Variants in NSD3 observed in about 807,000 individuals in gnomAD.
The protein encoded by NSD3 is nuclear receptor binding SET domain protein 3.
A neutral mutation model predicts 160.8 loss-of-function variants in NSD3; 24 were observed. That is an observed-to-expected ratio of 0.15 (90% CI 0.11 to 0.21). NSD3 has a LOEUF of 0.21. Ranked by LOEUF, NSD3 falls within the 10% of genes least tolerant of loss-of-function variation. The pLI is 1.00. For synonymous variants in NSD3, 520 were observed against 600.0 expected (o/e 0.87, Z 1.95); for missense variants, 1,157 against 1,735.9 (o/e 0.67, Z 5.93).
At chr8:38,347,269 G>C (rs891992354) in intron 2 of NSD3, among the ~76,000 whole-genome samples, 8 of 152,162 alleles carry the variant, frequency 5.3e-5, no homozygotes, top group Non-Finnish European at 7.4e-5. Flanking sequence ...AGAAACATAA[G>C]CAGAAAGATT....
At position 38,341,421 on chromosome 8, in the gene NSD3, C is replaced by G. The variant is rs557318870; in HGVS notation, c.676-2814G>C. 3.3e-3 allele frequency among the ~76,000 whole-genome samples: 509 copies of G among 152,018 alleles called. 2 individuals are homozygous for G. The highest frequency in any genetic ancestry group is 4.7e-3 in the Non-Finnish European group (320 of 67,982). ...GGCACTGTGGTGGGTGCCTATAATCCCAGCTACTTGGGAGGCTAAGGCAGA... is the reference window on the plus strand; with the variant it reads ...GGCACTGTGGTGGGTGCCTATAATCGCAGCTACTTGGGAGGCTAAGGCAGA... On this transcript the variant is annotated intron_variant, in intron 2 of 23. Transcript: ENST00000317025.
intron 4 of NSD3, 77 bp from the exon 5 acceptor site, chr8:38,331,662 C>G (rs1235488721): frequency 6.7e-7 from 1 of 1,492,712 alleles, no homozygotes; most frequent in African/African-American, 1.4e-5. Flanking sequence ...GGAATCTAAC[C>G]CAGGTTCCTC....
At chr8:38,280,935 T>C (rs552937987) in intron 20 of NSD3, among the ~76,000 whole-genome samples, 1 of 152,120 alleles carries the variant, frequency 6.6e-6, no homozygotes, top group East Asian at 1.9e-4. Context: ...TTTTTATTTT[T>C]TGTAGAGACA....
At chr8:38,277,991 T>C (rs180985872) in intron 22 of NSD3, among the ~76,000 whole-genome samples, 7 of 149,648 alleles carry the variant, frequency 4.7e-5, no homozygotes, top group African/African-American at 1.7e-4. Context: ...CAGGCTGGAG[T>C]GCAGTGGTGC....
At chr8:38,337,571 T>C in intron 3 of NSD3, 104 bp from the exon 4 acceptor site, 3 of 1,075,072 alleles carry the variant, frequency 2.8e-6, no homozygotes, top group Non-Finnish European at 3.6e-6. Flanking sequence ...CAGTTATACT[T>C]TGATACAGGA....
At chr8:38,358,572 CATA>C (rs1810881696) in intron 1 of NSD3, among the ~76,000 whole-genome samples, 1 of 151,916 alleles carries the variant, frequency 6.6e-6, no homozygotes, top group African/African-American at 2.4e-5. Context: ...TTTTAAGATA[CATA>C]ATGTTAAAAA....
intron 1 of NSD3, among the ~76,000 whole-genome samples, chr8:38,354,428 C>T (rs943024748): frequency 6.6e-6 from 1 of 152,076 alleles, no homozygotes; most frequent in East Asian, 1.9e-4. Context: ...ATTGTGGAGA[C>T]AACTAAAGAA....
rs1464725472 is a variant in NSD3 at position 38,317,524 on chromosome 8, C to T, written c.1855+1371G>A. On this transcript the variant is annotated intron_variant, in intron 9 of 23. Transcript: ENST00000317025. The surrounding 1 kb of genome is among the most constrained non-coding windows in gnomAD (Gnocchi z 5.3). ...TAGAAAAATGACAGACTGCCAAAGA[C>T]AGCTGTCATGCTGTTCTCCATGATA... 4 of 1,060,458 alleles carry T rather than the reference C, an allele frequency of 3.8e-6. No individual in the cohort carries two copies. Among genetic ancestry groups the T allele is most frequent in the Non-Finnish European group, 4.6e-6 (4 of 876,290 alleles). 65.7% of individuals were successfully genotyped at this position (1,060,458 alleles called of 1,614,324 possible).
In NSD3 at chr8:38,316,090, G is replaced by A. The variant is rs771592008; in HGVS notation, c.1856-48C>T. On this transcript the variant is annotated intron_variant, in intron 9 of 23. Transcript: ENST00000317025. This position sits in a 1 kb window ranked among gnomAD's most constrained non-coding sequence, Gnocchi z 4.5. ...AATCCTAAAATAGTACTTAAGGTTTGTTTTAATTTTTTTGTGTGTGGGAGA... is the reference window on the plus strand; with the variant it reads ...AATCCTAAAATAGTACTTAAGGTTTATTTTAATTTTTTTGTGTGTGGGAGA... 2 of 1,591,810 alleles carry A rather than the reference G, an allele frequency of 1.3e-6. No individual in the cohort carries two copies. Among genetic ancestry groups the A allele is most frequent in the Non-Finnish European group, 1.7e-6 (2 of 1,169,968 alleles).
rs186937451 is a variant in NSD3 at position 38,327,813 on chromosome 8, G to A, written c.1582-957C>T. ...CAAAATGTGACCCAATAAGTAATCC[G>A]AAGCAGAAAGAAGGCAGGTATAATT... is the stretch of plus-strand genomic sequence containing the variant. On this transcript the variant is annotated intron_variant, in intron 6 of 23. Coordinates refer to ENST00000317025, the MANE Select transcript of NSD3 (RefSeq NM_023034.2). Among the ~76,000 whole-genome samples, 4 of 152,260 alleles carry A rather than the reference G, an allele frequency of 2.6e-5. No homozygotes were observed. The East Asian group carries it at 5.8e-4, about 22-fold the overall frequency.
intron 19 of NSD3, among the ~76,000 whole-genome samples, chr8:38,283,830 G>A (rs1808790315): frequency 1.3e-5 from 2 of 152,208 alleles, no homozygotes; most frequent in African/African-American, 2.4e-5. Flanking sequence ...CAGGCCAGGT[G>A]TGGTGGCTCA....
chr8:38,361,579 C>T (rs1006673686), intron 1 of NSD3, among the ~76,000 whole-genome samples: 4 of 151,036 alleles, frequency 2.6e-5, no homozygotes, highest in African/African-American at 9.7e-5. Context: ...CACGGTGAAA[C>T]CCCGTCTCTA....
intron 2 of NSD3, among the ~76,000 whole-genome samples, chr8:38,346,897 A>ATT (rs60903460): frequency 0.22 from 33,832 of 152,050 alleles, 3,981 homozygotes; most frequent in East Asian, 0.31. Context: ...AGCTAGAATT[A>ATT]TGTTACATAC....
In NSD3 at chr8:38,271,501, T is replaced by C. The variant is rs535804608; in HGVS notation, c.*4140A>G. The C allele has an allele frequency of 6.6e-6, 1 of 152,230 alleles. No homozygotes were observed. The highest frequency in any genetic ancestry group is 2.1e-4 in the South Asian group (1 of 4,818). The allele number at this position is 152,230 out of a possible 1,614,324, so 9.4% of individuals were successfully genotyped here. A position where few individuals can be genotyped will look rare whatever the true frequency, so the allele number is the denominator to read the frequency against. ...TTTCAGTATATACACATTTCCAACT[T>C]TTCAGTATTTGTTAATTCATTGCAA... On this transcript the variant is annotated 3_prime_UTR_variant, in exon 24 of 24. Transcript: ENST00000317025.
At chr8:38,354,355 C>T (rs1810771851) in intron 1 of NSD3, among the ~76,000 whole-genome samples, 1 of 152,160 alleles carries the variant, frequency 6.6e-6, no homozygotes, top group South Asian at 2.1e-4. Flanking sequence ...CAACCTAATA[C>T]AATGCATGAA....
intron 2 of NSD3, among the ~76,000 whole-genome samples, chr8:38,342,238 T>C (rs1025053142): frequency 6.6e-6 from 1 of 152,158 alleles, no homozygotes; most frequent in African/African-American, 2.4e-5. Context: ...GGAGTATCTA[T>C]TATAAAATGT....
chr8:38,294,707 G>C lies in NSD3; in HGVS notation c.2915+1089C>G, dbSNP rs941992260. On this transcript the variant is annotated intron_variant, in intron 16 of 23. Transcript: ENST00000317025. The stretch of plus-strand genomic sequence containing the variant: ...AAAATATCATCTCTGGCCAAGTGTG[G>C]TGGCTCATTCCTATAATTCTAGCAC... Among the ~76,000 whole-genome samples, 3 of 152,206 alleles carry C rather than the reference G, an allele frequency of 2.0e-5. No individual in the cohort carries two copies. In the South Asian group the frequency reaches 6.2e-4, roughly 32 times the overall value.
intron 18 of NSD3, among the ~76,000 whole-genome samples, chr8:38,289,153 T>G (rs1022390908): frequency 2.0e-5 from 3 of 152,206 alleles, no homozygotes; most frequent in African/African-American, 7.2e-5. Context: ...TGAGAGGACT[T>G]ATCAAAGACC....
chr8:38,305,107 T>G (rs1239593392), intron 13 of NSD3, 141 bp downstream of exon 13: 1 of 809,518 alleles, frequency 1.2e-6, no homozygotes, highest in East Asian at 2.7e-5. Context: ...ACATGTACTG[T>G]GTATGTACTG....
Sources: allele counts gnomAD v4.1 joint callset (sites outside exome capture counted in the v4.1 genomes callset), GRCh38; gene constraint gnomAD v4.1.1; non-coding constraint Gnocchi (gnomAD v3.1); transcripts MANE v1.5; gene names NCBI Gene and HGNC (gene_info 2026-07-23, HGNC 2026-07-21).